Variants in PIK3CG observed in about 807,000 individuals in gnomAD.
PIK3CG encodes phosphatidylinositol-4,5-bisphosphate 3-kinase catalytic subunit gamma.
PIK3CG carries 55 observed loss-of-function variants against 102.3 expected under a neutral mutation model. The ratio of observed to expected loss-of-function variants is 0.54; its 90% CI spans 0.43 to 0.67. The LOEUF (loss-of-function observed/expected upper bound fraction) is 0.67. PIK3CG is among the 30% of genes least tolerant of loss of function. The pLI is 0.00. For missense variants in PIK3CG, 1,258 were observed against 1,391.8 expected, an observed-to-expected ratio of 0.90 and a Z score of 1.53; for synonymous variants, 552 against 540.0, an observed-to-expected ratio of 1.02 and a Z score of -0.31.
In PIK3CG at chr7:106,867,460, C is replaced by A; in HGVS notation, c.-12-90C>A. On this transcript the variant is annotated intron_variant, in intron 1 of 10. Transcript: ENST00000496166. This position sits in a 1 kb window ranked among gnomAD's most constrained non-coding sequence, Gnocchi z 5.1. ...TCTGGGTCCCTGTGCACATGTACGC[C>A]GCCTATACCTCCTCTTCCCTCATCT... 8.4e-7 allele frequency: 1 copy of A among 1,195,016 alleles called. No individual in the cohort carries two copies. Among genetic ancestry groups the A allele is most frequent in the Non-Finnish European group, 1.2e-6 (1 of 845,426 alleles). The allele number at this position is 1,195,016 out of a possible 1,614,324, so 74.0% of individuals were successfully genotyped here. A position where few individuals can be genotyped will look rare whatever the true frequency, so the allele number is the denominator to read the frequency against.
chr7:106,870,314 T>G (rs1308916131), intron 2 of PIK3CG, among the ~76,000 whole-genome samples: 1 of 152,178 alleles, frequency 6.6e-6, no homozygotes, highest in Non-Finnish European at 1.5e-5. Flanking sequence ...GACAAGTGAT[T>G]TTTCTAAGGT....
rs369580644 is a variant in PIK3CG, at chr7:106,883,019, G to A, written c.2630-14G>A. On this transcript the variant is annotated splice_polypyrimidine_tract_variant and intron_variant, in intron 7 of 10. Coordinates refer to ENST00000496166, the MANE Select transcript of PIK3CG (RefSeq NM_001282426.2). This position sits in a 1 kb window ranked among gnomAD's most constrained non-coding sequence, Gnocchi z 5.8. ...GCCCCCAATCTCCATCAGACTCTGT[G>A]CATCCTTCTGTAGGAATGATCGAGA... 1.1e-5 allele frequency: 18 copies of A among 1,612,488 alleles called. No individual in the cohort carries two copies. Among genetic ancestry groups the A allele is most frequent in the Non-Finnish European group, 1.4e-5 (16 of 1,179,324 alleles).
rs1790432783 is a variant in PIK3CG at position 106,869,008 on chromosome 7, CA to C, written c.1448del (p.His483ProfsTer45). 1 of 1,614,070 alleles carries C rather than the reference CA, an allele frequency of 6.2e-7. No individual in the cohort carries two copies. Among genetic ancestry groups the C allele is most frequent in the South Asian group, 1.1e-5 (1 of 91,086 alleles). On this transcript the variant is annotated frameshift_variant, in exon 2 of 11. Transcript: ENST00000496166. LOFTEE classifies it high-confidence loss of function. The surrounding 1 kb of genome is among the most constrained non-coding windows in gnomAD (Gnocchi z 5.3). ...FLLRRGEYVLHMWQISGKGED... is the reference protein window; with the variant it reads ...FLLRRGEYVLXMWQISGKGED... ...CCTGCGCCGTGGAGAATACGTCCTC[CA>C]CATGTGGCAGATATCTGGGAAGGGA...
rs1791484402 is a variant in PIK3CG, at chr7:106,899,222, A to T, written c.3031-5887A>T. Among the ~76,000 whole-genome samples, 1 of 152,158 alleles carries T rather than the reference A, an allele frequency of 6.6e-6. No individual in the cohort carries two copies. Among genetic ancestry groups the T allele is most frequent in the African/African-American group, 2.4e-5 (1 of 41,438 alleles). ...TTTTTACACTGATTTTGGATCCTAC[A>T]ACTTTGCTGAAGTTGTTTATCAGCT... is the stretch of plus-strand genomic sequence containing the variant. On this transcript the variant is annotated intron_variant, in intron 10 of 10. Coordinates refer to ENST00000496166, the MANE Select transcript of PIK3CG (RefSeq NM_001282426.2). This position sits in a 1 kb window ranked among gnomAD's most constrained non-coding sequence, Gnocchi z 4.6.
Position 106,897,907 on chromosome 7 carries a change from T to C in PIK3CG, c.3031-7202T>C, listed in dbSNP as rs897423096. 1.4e-4 allele frequency among the ~76,000 whole-genome samples: 21 copies of C among 152,346 alleles called. No homozygotes were observed. Among genetic ancestry groups the C allele is most frequent in the African/African-American group, 7.2e-5 (3 of 41,570 alleles). ...TCTGGGTATATACCCAGTAATGGGA[T>C]TTCTGGATCAAAATGGTAGTCATGC... On this transcript the variant is annotated intron_variant, in intron 10 of 10. Coordinates refer to ENST00000496166, the MANE Select transcript of PIK3CG (RefSeq NM_001282426.2). The surrounding 1 kb of genome is among the most constrained non-coding windows in gnomAD (Gnocchi z 4.6).
intron 10 of PIK3CG, among the ~76,000 whole-genome samples, chr7:106,896,496 C>T (rs771898859): frequency 1.3e-5 from 2 of 152,198 alleles, no homozygotes; most frequent in Non-Finnish European, 2.9e-5. Context: ...GGGGTGAAGT[C>T]TGCACTTAGC....
intron 10 of PIK3CG, among the ~76,000 whole-genome samples, chr7:106,889,154 A>C (rs955189171): frequency 1.3e-5 from 2 of 152,134 alleles, no homozygotes; most frequent in African/African-American, 4.8e-5. Flanking sequence ...TTCCAACTCC[A>C]CTTACACCTG....
chr7:106,876,104 C>T lies in PIK3CG; in HGVS notation c.2391+1301C>T, dbSNP rs1018590794. 1.3e-4 allele frequency among the ~76,000 whole-genome samples: 19 copies of T among 150,082 alleles called. No homozygotes were observed. In the South Asian group the frequency reaches 2.1e-3, roughly 17 times the overall value. ...TAATTTTTTGTATTTTTAGTAGAGA[C>T]GGGGTTTCACCTTGTTAGCCAGGAT... On this transcript the variant is annotated intron_variant, in intron 5 of 10. Coordinates refer to ENST00000496166, the MANE Select transcript of PIK3CG (RefSeq NM_001282426.2).
intron 9 of PIK3CG, 68 bp from the exon 10 acceptor site, chr7:106,886,067 C>T (rs2116559312): frequency 7.1e-7 from 1 of 1,402,688 alleles, no homozygotes; most frequent in Admixed American, 2.0e-5. Context: ...TTAGGCAACT[C>T]AAAGAAATAT....
At chr7:106,898,408 T>C (rs1325616277) in intron 10 of PIK3CG, among the ~76,000 whole-genome samples, 2 of 152,244 alleles carry the variant, frequency 1.3e-5, no homozygotes, top group Non-Finnish European at 2.9e-5. Flanking sequence ...CAATTTTTCC[T>C]TTTGTTGCAG....
intron 7 of PIK3CG, 51 bp downstream of exon 7, chr7:106,882,258 A>G: frequency 1.2e-6 from 1 of 838,256 alleles, no homozygotes; most frequent in South Asian, 1.9e-5. Flanking sequence ...GTTTGAAAAG[A>G]TTATAATTCC....
intron 2 of PIK3CG, among the ~76,000 whole-genome samples, chr7:106,870,814 T>C (rs1006963583): frequency 7.9e-5 from 12 of 152,228 alleles, no homozygotes; most frequent in African/African-American, 2.9e-4. Flanking sequence ...ACTTGAAACA[T>C]TACATTTGGC....
rs979205209 is a variant in PIK3CG, at chr7:106,869,734, G to A, written c.1995+178G>A. 8.5e-5 allele frequency among the ~76,000 whole-genome samples: 13 copies of A among 152,114 alleles called. No homozygotes were observed. The highest frequency in any genetic ancestry group is 1.3e-4 in the Non-Finnish European group (9 of 68,004). ...AAACTGTTCCATGTACATTTTTACT[G>A]TCTCGGAGGGTTTGCTGACAAGGGT... On this transcript the variant is annotated intron_variant, in intron 2 of 10. Coordinates refer to ENST00000496166, the MANE Select transcript of PIK3CG (RefSeq NM_001282426.2). This position sits in a 1 kb window ranked among gnomAD's most constrained non-coding sequence, Gnocchi z 5.3.
rs749075985 is a variant in PIK3CG at position 106,872,530 on chromosome 7, C to T, written c.1996-7C>T. 7 of 1,611,504 alleles carry T rather than the reference C, an allele frequency of 4.3e-6. No individual in the cohort carries two copies. In the African/African-American group the frequency reaches 9.3e-5, roughly 22 times the overall value. On this transcript the variant is annotated splice_region_variant and splice_polypyrimidine_tract_variant and intron_variant, in intron 2 of 10. Coordinates refer to ENST00000496166, the MANE Select transcript of PIK3CG (RefSeq NM_001282426.2). The surrounding 1 kb of genome is among the most constrained non-coding windows in gnomAD (Gnocchi z 5.3). ...GTCCTACAAATGCCAATGTGTTCTT[C>T]CTTTAGGCTGTGAAATTTGAACCAT... is the stretch of plus-strand genomic sequence containing the variant.
In PIK3CG at chr7:106,869,004, C is replaced by G. The variant is rs2116455428; in HGVS notation, c.1443C>G (p.Val481=). The change falls in exon 2 of 11, where the codon GTC becomes GTG. Residue 481 remains valine (V), a synonymous_variant. Coordinates refer to ENST00000496166, the MANE Select transcript of PIK3CG (RefSeq NM_001282426.2). This position sits in a 1 kb window ranked among gnomAD's most constrained non-coding sequence, Gnocchi z 5.3. ...HRFLLRRGEY[V]LHMWQISGKG... ...TCCTCCTGCGCCGTGGAGAATACGT[C>G]CTCCACATGTGGCAGATATCTGGGA... The G allele has an allele frequency of 6.2e-7, 1 of 1,614,188 alleles. No homozygotes were observed. Among genetic ancestry groups the G allele is most frequent in the Non-Finnish European group, 8.5e-7 (1 of 1,180,040 alleles).
rs925069774 is a variant in PIK3CG at position 106,907,360 on chromosome 7, C to T, written c.*1973C>T. ...CTAGAAAAAAACTCCTCTTCTTTGG[C>T]AACCTGTCCTTTTAAAATCACACTC... On this transcript the variant is annotated 3_prime_UTR_variant, in exon 11 of 11. Transcript: ENST00000496166. Among the ~76,000 whole-genome samples, 1 of 152,142 alleles carries T rather than the reference C, an allele frequency of 6.6e-6. No homozygotes were observed. Among genetic ancestry groups the T allele is most frequent in the Admixed American group, 6.5e-5 (1 of 15,276 alleles).
At chr7:106,870,580 G>T (rs1278781082) in intron 2 of PIK3CG, among the ~76,000 whole-genome samples, 1 of 152,170 alleles carries the variant, frequency 6.6e-6, no homozygotes, top group Non-Finnish European at 1.5e-5. Context: ...CGTATTATGA[G>T]AAAACAGTCC....
chr7:106,881,152 C>A (rs1790919366), intron 6 of PIK3CG, among the ~76,000 whole-genome samples: 1 of 152,126 alleles, frequency 6.6e-6, no homozygotes, highest in Non-Finnish European at 1.5e-5. Context: ...GACACCATGA[C>A]AATTGCCAAA....
intron 7 of PIK3CG, 85 bp from the exon 8 acceptor site, chr7:106,882,948 T>A (rs2116542344): frequency 3.1e-5 from 26 of 845,350 alleles, no homozygotes; most frequent in Non-Finnish European, 4.4e-5. Context: ...CCCTCTGCCC[T>A]TCACTCAACA....
Sources: gnomAD v4.1 joint callset for allele counts (sites outside exome capture counted in the v4.1 genomes callset) on GRCh38, gnomAD v4.1.1 for gene constraint, Gnocchi (gnomAD v3.1) non-coding constraint, MANE v1.5 for transcripts, NCBI Gene and HGNC (gene_info 2026-07-23, HGNC 2026-07-21) for gene names.